Variants in ST13 observed in about 807,000 individuals in gnomAD.
The protein encoded by ST13 is hsc70-interacting protein.
Under a neutral mutation model 56.7 loss-of-function variants are expected in ST13, and 23 were observed. That is an observed-to-expected ratio of 0.41 (90% CI 0.29 to 0.57). ST13 has a LOEUF of 0.57. ST13 is among the 20% of genes least tolerant of loss of function. The pLI, the probability that ST13 is intolerant of heterozygous loss-of-function variation, is 0.36. For missense variants in ST13, 369 were observed against 459.9 expected, an observed-to-expected ratio of 0.80 and a Z score of 1.81; for synonymous variants, 132 against 142.4, an observed-to-expected ratio of 0.93 and a Z score of 0.52.
At chr22:40,831,550 T>G (rs762218151) in intron 8 of ST13, among the ~76,000 whole-genome samples, 1 of 152,238 alleles carries the variant, frequency 6.6e-6, no homozygotes, top group African/African-American at 2.4e-5. Context: ...TTTAAGAGAT[T>G]CATATTCAAC....
intron 4 of ST13, among the ~76,000 whole-genome samples, chr22:40,842,914 G>A (rs915770973): frequency 3.3e-5 from 5 of 152,164 alleles, no homozygotes; most frequent in Non-Finnish European, 4.4e-5. Context: ...CACTCTGGAA[G>A]GCCAGGAGTT....
chr22:40,831,987 G>A (rs1602650530), intron 8 of ST13: 1 of 284,040 alleles, frequency 3.5e-6, no homozygotes, highest in Non-Finnish European at 7.1e-6. Context: ...CGAGTAGCTG[G>A]GACTACGTAG....
intron 1 of ST13, among the ~76,000 whole-genome samples, chr22:40,852,068 TATCCACACTTAC>T: frequency 6.6e-6 from 1 of 152,214 alleles, no homozygotes; most frequent in South Asian, 2.1e-4. Context: ...AGAGTTGTCA[TATCCACACTTAC>T]ATTCATTTCA....
At chr22:40,835,447 TAATTTGAA>T in intron 7 of ST13, 105 bp downstream of exon 7, 1 of 873,684 alleles carries the variant, frequency 1.1e-6, no homozygotes, top group Non-Finnish European at 1.9e-6. Flanking sequence ...AAGTACACAC[TAATTTGAA>T]AATTAAGTCA....
chr22:40,851,627 A>C (rs1227238727), intron 1 of ST13, among the ~76,000 whole-genome samples: 1 of 152,246 alleles, frequency 6.6e-6, no homozygotes, highest in East Asian at 1.9e-4. Flanking sequence ...TAGACTTAAG[A>C]GCACTCCACA....
chr22:40,845,074 C>T (rs1479624030), intron 3 of ST13, among the ~76,000 whole-genome samples, 165 bp from the exon 4 acceptor site: 1 of 152,156 alleles, frequency 6.6e-6, no homozygotes, highest in Non-Finnish European at 1.5e-5. Context: ...TTTGGTAAGA[C>T]TACACTTTAC....
Position 40,824,676 on chromosome 22 carries a change from T to C in ST13, c.*1862A>G, listed in dbSNP as rs971731305. ...ATATAATTAGGTTAAATAAATCAAATAAGGAATCCAGAAGAAACTGTTCTT... is the reference window on the plus strand; with the variant it reads ...ATATAATTAGGTTAAATAAATCAAACAAGGAATCCAGAAGAAACTGTTCTT... On this transcript the variant is annotated 3_prime_UTR_variant, in exon 12 of 12. Transcript: ENST00000216218. The C allele has an allele frequency of 6.6e-6, 1 of 152,132 alleles. No homozygotes were observed. The highest frequency in any genetic ancestry group is 1.5e-5 in the Non-Finnish European group (1 of 68,016). 9.4% of individuals were successfully genotyped at this position (152,132 alleles called of 1,614,324 possible).
rs1188896369 is a variant in ST13, at chr22:40,834,640, T to C, written c.578+920A>G. ...AACAGACACAGTGATCAAATCTTAG[T>C]TTCCGCTATAATGAACCACGATTTC... On this transcript the variant is annotated intron_variant, in intron 7 of 11. Coordinates refer to ENST00000216218, the MANE Select transcript of ST13 (RefSeq NM_003932.5). Among the ~76,000 whole-genome samples, 3 of 152,158 alleles carry C rather than the reference T, an allele frequency of 2.0e-5. No individual in the cohort carries two copies. The East Asian group carries it at 5.8e-4, about 29-fold the overall frequency.
chr22:40,839,582 T>C (rs904927452), intron 5 of ST13, among the ~76,000 whole-genome samples: 4 of 150,796 alleles, frequency 2.7e-5, no homozygotes, highest in Non-Finnish European at 4.4e-5. Context: ...CTGGCCAACA[T>C]AGTGAAACCC....
At position 40,826,542 on chromosome 22, in the gene ST13, G is replaced by A. The variant is rs749274921; in HGVS notation, c.1106C>T (p.Ala369Val). The A allele has an allele frequency of 1.3e-5, 20 of 1,597,760 alleles. No individual in the cohort carries two copies. In the East Asian group the frequency reaches 2.2e-4, roughly 18 times the overall value. Reference protein sequence around the residue: ...SKLSAKFGGQA With the variant: ...SKLSAKFGGQV ...GCTTTATTTATCAGAAGGACATTAC[G>A]CTTGACCTCCAAATTTGGCTGACAA... Residue 369 changes from alanine to valine, a missense_variant, in exon 12 of 12, where the codon GCG becomes GTG. Transcript: ENST00000216218.
chr22:40,845,003 C>CT, intron 3 of ST13, 94 bp from the exon 4 acceptor site: 1 of 788,518 alleles, frequency 1.3e-6, no homozygotes, highest in East Asian at 2.8e-5. Flanking sequence ...ATGACTACTA[C>CT]AATTAATTAT....
chr22:40,848,602 AC>A (rs2057845075), intron 2 of ST13, among the ~76,000 whole-genome samples: 1 of 152,058 alleles, frequency 6.6e-6, no homozygotes, highest in African/African-American at 2.4e-5. Context: ...AATTAGCCGG[AC>A]GTGGTGGTGC....
chr22:40,825,622 A>G lies in ST13; in HGVS notation c.*916T>C, dbSNP rs2057724054. On this transcript the variant is annotated 3_prime_UTR_variant, in exon 12 of 12. Coordinates refer to ENST00000216218, the MANE Select transcript of ST13 (RefSeq NM_003932.5). ...AATATGCTTGTATAATTACGCTGTT[A>G]ATGATGATAGCAGTGATGATGCCGG... 1 of 152,102 alleles carries G rather than the reference A, an allele frequency of 6.6e-6. No homozygotes were observed. The highest frequency in any genetic ancestry group is 2.1e-4 in the South Asian group (1 of 4,824). 9.4% of individuals were successfully genotyped at this position (152,102 alleles called of 1,614,324 possible).
chr22:40,851,915 T>A (rs914266342), intron 1 of ST13, among the ~76,000 whole-genome samples: 5 of 152,096 alleles, frequency 3.3e-5, no homozygotes, highest in Admixed American at 1.3e-4. Flanking sequence ...CCCAGCTGAT[T>A]TTTTGTTTTA....
chr22:40,831,747 T>C (rs956560546), intron 8 of ST13, among the ~76,000 whole-genome samples: 1 of 152,232 alleles, frequency 6.6e-6, no homozygotes, highest in African/African-American at 2.4e-5. Flanking sequence ...GGATTTACCA[T>C]GTAAACACAT....
At chr22:40,845,296 CT>C (rs2057825384) in intron 3 of ST13, among the ~76,000 whole-genome samples, 1 of 152,140 alleles carries the variant, frequency 6.6e-6, no homozygotes, top group African/African-American at 2.4e-5. Context: ...TACAGTGATA[CT>C]TCAACGTAAA....
chr22:40,840,852 G>T (rs946335950), intron 4 of ST13, among the ~76,000 whole-genome samples, 160 bp from the exon 5 acceptor site: 4 of 152,142 alleles, frequency 2.6e-5, no homozygotes, highest in African/African-American at 9.7e-5. Flanking sequence ...TCATTAGTGA[G>T]AAATTACATA....
rs777729139 is a variant in ST13 at position 40,830,904 on chromosome 22, C to T, written c.734G>A (p.Arg245Gln). 171 of 1,605,498 alleles carry T rather than the reference C, an allele frequency of 1.1e-4. No individual in the cohort carries two copies. Among genetic ancestry groups the T allele is most frequent in the Non-Finnish European group, 1.4e-4 (162 of 1,179,672 alleles). ...TCGTTCTATTCTTTCTTTGATCTCT[C>T]GCTCTTCACGTTTTCGCTCATACTT... ...RRKYERKREE[R>Q]EIKERIERVK... Residue 245 changes from arginine (R) to glutamine (Q), a missense_variant, in exon 9 of 12, where the codon CGA becomes CAA. Transcript: ENST00000216218.
chr22:40,839,042 T>C (rs755241064), intron 5 of ST13, among the ~76,000 whole-genome samples: 33 of 152,042 alleles, frequency 2.2e-4, no homozygotes, highest in Admixed American at 5.9e-4. Flanking sequence ...TATGCAAAAG[T>C]TAATCACAGG....
Sources: allele counts gnomAD v4.1 joint callset (sites outside exome capture counted in the v4.1 genomes callset), GRCh38; gene constraint gnomAD v4.1.1; transcripts MANE v1.5; gene names NCBI Gene and HGNC (gene_info 2026-07-23, HGNC 2026-07-21).